ALDH16A1: variants seen among roughly 807,000 people sequenced by gnomAD.
ALDH16A1 encodes the protein aldehyde dehydrogenase family 16 member A1.
A neutral mutation model predicts 96.1 loss-of-function variants in ALDH16A1; 88 were observed. The ratio of observed to expected loss-of-function variants is 0.92; its 90% CI spans 0.77 to 1.09. ALDH16A1 has a LOEUF of 1.09. Among genes scored for constraint, ALDH16A1 ranks in the 50% least tolerant of loss-of-function variants. ALDH16A1 has a pLI of 0.00. For missense variants in ALDH16A1, 1,250 were observed against 1,112.6 expected, an observed-to-expected ratio of 1.12 and a Z score of -1.76; for synonymous variants, 522 against 496.4, an observed-to-expected ratio of 1.05 and a Z score of -0.69.
chr19:49,464,411 C>T lies in ALDH16A1; in HGVS notation c.1332-6C>T. ...CCTCTGTTGGACACCTTCATCTTCCCCACAGGCTCCAGGTGGGCACTGTCT... is the reference window on the plus strand; with the variant it reads ...CCTCTGTTGGACACCTTCATCTTCCTCACAGGCTCCAGGTGGGCACTGTCT... On this transcript the variant is annotated splice_polypyrimidine_tract_variant and splice_region_variant and intron_variant, in intron 10 of 16. Coordinates refer to ENST00000293350, the MANE Select transcript of ALDH16A1 (RefSeq NM_153329.4). 1 of 1,594,198 alleles carries T rather than the reference C, an allele frequency of 6.3e-7. No homozygotes were observed. The highest frequency in any genetic ancestry group is 8.5e-7 in the Non-Finnish European group (1 of 1,170,394).
Position 49,458,592 on chromosome 19 carries a change from C to T in ALDH16A1, c.193+4C>T, listed in dbSNP as rs375077177. On this transcript the variant is annotated splice_donor_region_variant and intron_variant, in intron 2 of 16. Coordinates refer to ENST00000293350, the MANE Select transcript of ALDH16A1 (RefSeq NM_153329.4). The stretch of plus-strand genomic sequence containing the variant: ...CCTTGCCAGGATCCCATCACAGGTA[C>T]GAGATGTCCCCCAGTCATTAGTGGA... 2.2e-4 allele frequency: 339 copies of T among 1,555,070 alleles called. No individual in the cohort carries two copies. The highest frequency in any genetic ancestry group is 2.7e-4 in the Non-Finnish European group (312 of 1,148,078).
At chr19:49,456,235 C>A (rs1335927477) in intron 1 of ALDH16A1, among the ~76,000 whole-genome samples, 1 of 152,150 alleles carries the variant, frequency 6.6e-6, no homozygotes, top group Non-Finnish European at 1.5e-5. Flanking sequence ...CTGTTTCCTT[C>A]TGTATTTTCT....
chr19:49,462,021 G>T lies in ALDH16A1; in HGVS notation c.897G>T (p.Trp299Cys). ...SAVEGVVDAAWSDRGPGGLRL... is the reference protein window; with the variant it reads ...SAVEGVVDAACSDRGPGGLRL... ...TGGAGGGTGTCGTGGACGCCGCCTG[G>T]TCCGACCGCGGCCCGGTGAGACCCG... The change falls in exon 7 of 17, where the codon TGG (tryptophan) becomes TGT (cysteine). Residue 299 changes from tryptophan to cysteine, a missense_variant. Coordinates refer to ENST00000293350, the MANE Select transcript of ALDH16A1 (RefSeq NM_153329.4). 1.3e-6 allele frequency: 2 copies of T among 1,542,080 alleles called. No individual in the cohort carries two copies. The highest frequency in any genetic ancestry group is 1.7e-6 in the Non-Finnish European group (2 of 1,148,036).
At chr19:49,469,090 G>C in intron 16 of ALDH16A1, 104 bp downstream of exon 16, 1 of 1,470,810 alleles carries the variant, frequency 6.8e-7, no homozygotes, top group South Asian at 1.3e-5. Context: ...TGTTGGTAAG[G>C]GGAGAAACTC....
chr19:49,462,581 G>A lies in ALDH16A1; in HGVS notation c.924G>A (p.Arg308=), dbSNP rs1354674241. The A allele has an allele frequency of 2.5e-6, 4 of 1,612,734 alleles. No individual in the cohort carries two copies. Among genetic ancestry groups the A allele is most frequent in the Admixed American group, 1.7e-5 (1 of 59,904 alleles). ...CCTTTTCCTCACAGGGTGGCCTCAG[G>A]CTCCTCATCCAGGAGTCTGTGTGGG... ...AWSDRGPGGL[R]LLIQESVWDE... Residue 308 remains arginine (R), a synonymous_variant, in exon 8 of 17, where the codon AGG becomes AGA. Transcript: ENST00000293350.
Position 49,458,976 on chromosome 19 carries a change from T to C in ALDH16A1, c.210T>C (p.Ser70=). The part of the protein sequence containing the change: ...QDPITGENLA[S]CLQAQAEDVA... ...TCTCCCCAGGAGAGAACTTGGCCAGTTGCCTGCAGGCACAGGCCGAGGATG... is the reference window on the plus strand; with the variant it reads ...TCTCCCCAGGAGAGAACTTGGCCAGCTGCCTGCAGGCACAGGCCGAGGATG... The change falls in exon 3 of 17, where the codon AGT becomes AGC. Residue 70 remains serine, a synonymous_variant. Transcript: ENST00000293350. 6.2e-7 allele frequency: 1 copy of C among 1,613,130 alleles called. No homozygotes were observed. The highest frequency in any genetic ancestry group is 8.5e-7 in the Non-Finnish European group (1 of 1,179,660).
At chr19:49,460,790 A>G in intron 4 of ALDH16A1, 32 bp from the exon 5 acceptor site, 1 of 1,595,198 alleles carries the variant, frequency 6.3e-7, no homozygotes, top group Non-Finnish European at 8.6e-7. Context: ...CCTAGCCTCA[A>G]GGGATCCTCT....
At position 49,466,189 on chromosome 19, in the gene ALDH16A1, C is replaced by T. The variant is rs754196495; in HGVS notation, c.1844C>T (p.Ala615Val). The part of the protein sequence containing the change: ...TLASRLERQG[A>V]ELKAAEAEVE... The stretch of plus-strand genomic sequence containing the variant: ...GCCTCGAGGCTGGAGAGGCAGGGAG[C>T]GGAGCTCAAGGCTGCGGAGGCGGAG... The change falls in exon 14 of 17, where the codon GCG (alanine) becomes GTG (valine). Residue 615 changes from alanine to valine, a missense_variant. Coordinates refer to ENST00000293350, the MANE Select transcript of ALDH16A1 (RefSeq NM_153329.4). 5.8e-6 allele frequency: 9 copies of T among 1,551,082 alleles called. No homozygotes were observed. Among genetic ancestry groups the T allele is most frequent in the South Asian group, 2.4e-5 (2 of 84,064 alleles).
chr19:49,462,107 C>A, intron 7 of ALDH16A1, 71 bp downstream of exon 7: 1 of 1,439,446 alleles, frequency 6.9e-7, no homozygotes, highest in Admixed American at 3.0e-5. Context: ...CTTCGGGGTC[C>A]CGAGTCTCTG....
intron 1 of ALDH16A1, 191 bp downstream of exon 1, chr19:49,453,612 A>G: frequency 1.8e-6 from 1 of 557,684 alleles, no homozygotes. Context: ...GCAGCCTTTT[A>G]GTCTGTTCCG....
Position 49,459,221 on chromosome 19 carries a change from G to T in ALDH16A1, c.320+135G>T, listed in dbSNP as rs1052732132. On this transcript the variant is annotated intron_variant, in intron 3 of 16. Coordinates refer to ENST00000293350, the MANE Select transcript of ALDH16A1 (RefSeq NM_153329.4). The surrounding 1 kb of genome is among the most constrained non-coding windows in gnomAD (Gnocchi z 4.1). ...AGGCTCAGATTCCCAGTATGTGCTG[G>T]AGGCAGTCGTGGCTGAAACATGCAT... 2.2e-6 allele frequency: 3 copies of T among 1,389,608 alleles called. No individual in the cohort carries two copies. Among genetic ancestry groups the T allele is most frequent in the South Asian group, 2.8e-5 (2 of 71,660 alleles). 86.1% of individuals were successfully genotyped at this position (1,389,608 alleles called of 1,614,324 possible). A position where few individuals can be genotyped will look rare whatever the true frequency, so the allele number is the denominator to read the frequency against.
chr19:49,463,714 G>A, intron 8 of ALDH16A1, 140 bp from the exon 9 acceptor site: 3 of 633,162 alleles, frequency 4.7e-6, no homozygotes, highest in Non-Finnish European at 8.3e-6. Context: ...GAGGCTGGGG[G>A]TCCAGACTCC....
chr19:49,464,345 C>T (rs1000386645), intron 10 of ALDH16A1, 72 bp from the exon 11 acceptor site: 4 of 1,569,946 alleles, frequency 2.5e-6, no homozygotes, highest in African/African-American at 2.7e-5. Context: ...GCTCCCCGCG[C>T]CTTTAACTCA....
Position 49,459,708 on chromosome 19 carries a change from G to A in ALDH16A1, c.359G>A (p.Trp120Ter). The A allele has an allele frequency of 6.2e-7, 1 of 1,612,588 alleles. No individual in the cohort carries two copies. The highest frequency in any genetic ancestry group is 8.5e-7 in the Non-Finnish European group (1 of 1,179,532). ...EVIQKHQRLL[W>*]TLESLVTGRA... ...ATCCAGAAGCACCAGCGGCTGCTGT[G>A]GACCCTGGAATCCCTGGTGACTGGG... The change falls in exon 4 of 17, where the codon TGG (tryptophan) becomes TAG (stop). Residue 120 changes from tryptophan to a stop codon, truncating the protein, a stop_gained. Coordinates refer to ENST00000293350, the MANE Select transcript of ALDH16A1 (RefSeq NM_153329.4). LOFTEE classifies it high-confidence loss of function. This position sits in a 1 kb window ranked among gnomAD's most constrained non-coding sequence, Gnocchi z 4.1.
chr19:49,470,581 C>A lies in ALDH16A1; in HGVS notation c.*114C>A. The A allele has an allele frequency of 8.2e-7, 1 of 1,225,702 alleles. No homozygotes were observed. Among genetic ancestry groups the A allele is most frequent in the Non-Finnish European group, 1.1e-6 (1 of 925,118 alleles). The allele number at this position is 1,225,702 out of a possible 1,614,324, so 75.9% of individuals were successfully genotyped here. ...CTGTGTCTCCCAATAAACTCTCTGA[C>A]CAACCCTAGCTGTGCTTCTGCGAGA... On this transcript the variant is annotated 3_prime_UTR_variant, in exon 17 of 17. Transcript: ENST00000293350.
Position 49,466,228 on chromosome 19 carries a change from C to G in ALDH16A1, c.1883C>G (p.Ala628Gly), listed in dbSNP as rs2079197474. ...KAAEAEVELS[A>G]RRLRAWGARV... ...GCGGAGGCGGAGGTGGAGCTGAGCG[C>G]AAGACGACTTCGGGCGTGGGGGGCC... The change falls in exon 14 of 17, where the codon GCA (alanine) becomes GGA (glycine). Residue 628 changes from alanine to glycine, a missense_variant. By Grantham distance (60) the Ala-to-Gly change is moderately conservative. Coordinates refer to ENST00000293350, the MANE Select transcript of ALDH16A1 (RefSeq NM_153329.4). 6.6e-7 allele frequency: 1 copy of G among 1,506,890 alleles called. No homozygotes were observed. 93.3% of individuals were successfully genotyped at this position (1,506,890 alleles called of 1,614,324 possible).
intron 12 of ALDH16A1, 121 bp from the exon 13 acceptor site, chr19:49,465,617 C>A: frequency 8.1e-7 from 1 of 1,229,654 alleles, no homozygotes; most frequent in Non-Finnish European, 1.1e-6. Context: ...CTCATGGGAA[C>A]AGGGGTTTGG....
In ALDH16A1 at chr19:49,469,357, G is replaced by A. The variant is rs139351795; in HGVS notation, c.2247+371G>A. ...CGCAACCTCCCAGGCTCAAGCCACC[G>A]TCCCACCTCAGCTTCCTGAGTAGCT... On this transcript the variant is annotated intron_variant, in intron 16 of 16. Transcript: ENST00000293350. 951 of 160,796 alleles carry A rather than the reference G, an allele frequency of 5.9e-3. 10 individuals are homozygous for A. Among genetic ancestry groups the A allele is most frequent in the African/African-American group, 0.021 (893 of 41,698 alleles). 10.0% of individuals were successfully genotyped at this position (160,796 alleles called of 1,614,324 possible). A position where few individuals can be genotyped will look rare whatever the true frequency, so the allele number is the denominator to read the frequency against.
intron 1 of ALDH16A1, among the ~76,000 whole-genome samples, chr19:49,456,308 C>T (rs1315918373): frequency 6.6e-6 from 1 of 152,178 alleles, no homozygotes; most frequent in Admixed American, 6.6e-5. Flanking sequence ...TGAATCCTTT[C>T]TTCTAACAGA....
Sources: gnomAD v4.1 joint callset for allele counts (sites outside exome capture counted in the v4.1 genomes callset) on GRCh38, gnomAD v4.1.1 for gene constraint, Gnocchi (gnomAD v3.1) non-coding constraint, MANE v1.5 for transcripts, NCBI Gene and HGNC (gene_info 2026-07-23, HGNC 2026-07-21) for gene names.